EGFR: variants seen among roughly 807,000 people sequenced by gnomAD.
EGFR encodes avian erythroblastic leukemia viral (v-erb-b) oncogene homolog.
Under a neutral mutation model 143.0 loss-of-function variants are expected in EGFR, and 58 were observed. The ratio of observed to expected loss-of-function variants is 0.41; its 90% CI spans 0.33 to 0.50. The LOEUF is 0.50. Among genes scored for constraint, EGFR ranks in the 20% least tolerant of loss-of-function variants. The pLI, the probability that EGFR is intolerant of heterozygous loss-of-function variation, is 0.39. For missense variants in EGFR, 1,307 were observed against 1,579.0 expected (o/e 0.83, Z 2.92); for synonymous variants, 613 against 594.4 (o/e 1.03, Z -0.45).
At chr7:55,080,536 T>TG (rs1219153260) in intron 1 of EGFR, among the ~76,000 whole-genome samples, 1 of 152,096 alleles carries the variant, frequency 6.6e-6, no homozygotes, top group Admixed American at 6.5e-5. Context: ...TACCAGGGGC[T>TG]GGGAAGGTGT....
rs2128932517 is a variant in EGFR, at chr7:55,151,319, C to T, written c.585C>T (p.Pro195=). The change falls in exon 5 of 28, where the codon CCC becomes CCT. Residue 195 remains proline (P), a synonymous_variant. Coordinates refer to ENST00000275493, the MANE Select transcript of EGFR (RefSeq NM_005228.5). ...GCCAAAAGTGTGATCCAAGCTGTCCCAATGGGAGCTGCTGGGGTGCAGGAG... is the reference window on the plus strand; with the variant it reads ...GCCAAAAGTGTGATCCAAGCTGTCCTAATGGGAGCTGCTGGGGTGCAGGAG... ...GSCQKCDPSC[P]NGSCWGAGEE... 6.2e-7 allele frequency: 1 copy of T among 1,614,204 alleles called. No homozygotes were observed. Among genetic ancestry groups the T allele is most frequent in the Non-Finnish European group, 8.5e-7 (1 of 1,180,038 alleles).
intron 21 of EGFR, among the ~76,000 whole-genome samples, chr7:55,192,409 C>A (rs1399282999): frequency 1.3e-5 from 2 of 152,180 alleles, no homozygotes; most frequent in African/African-American, 2.4e-5. Context: ...ACAGCCAGGC[C>A]CCTCTGAGGT....
At chr7:55,133,988 G>A (rs949000305) in intron 1 of EGFR, among the ~76,000 whole-genome samples, 1 of 152,222 alleles carries the variant, frequency 6.6e-6, no homozygotes, top group South Asian at 2.1e-4. Context: ...ATGCTGGCCC[G>A]AGAGGAGGCG....
intron 4 of EGFR, among the ~76,000 whole-genome samples, chr7:55,149,488 C>A (rs975719812): frequency 1.3e-5 from 2 of 152,120 alleles, no homozygotes; most frequent in Non-Finnish European, 2.9e-5. Context: ...CCTTCCTTTG[C>A]AAAGTATTTG....
chr7:55,151,746 C>A lies in EGFR; in HGVS notation c.628+384C>A, dbSNP rs1343558512. 2.6e-5 allele frequency among the ~76,000 whole-genome samples: 4 copies of A among 152,204 alleles called. No homozygotes were observed. In the East Asian group the frequency reaches 5.8e-4, roughly 22 times the overall value. On this transcript the variant is annotated intron_variant, in intron 5 of 27. Coordinates refer to ENST00000275493, the MANE Select transcript of EGFR (RefSeq NM_005228.5). Reference sequence around the variant, plus strand: ...AAAATTAGCCGGGCGTGGTGGCGGGCGCCTGTAGTCCCAGCTACTCGGGAG... The same window carrying A: ...AAAATTAGCCGGGCGTGGTGGCGGGAGCCTGTAGTCCCAGCTACTCGGGAG...
intron 1 of EGFR, among the ~76,000 whole-genome samples, chr7:55,066,356 A>C (rs956956513): frequency 6.6e-6 from 1 of 152,228 alleles, no homozygotes; most frequent in African/African-American, 2.4e-5. Context: ...TTTTTTAAAT[A>C]CAAAGAAATA....
intron 1 of EGFR, among the ~76,000 whole-genome samples, chr7:55,093,072 A>C (rs1400748705): frequency 6.6e-6 from 1 of 152,266 alleles, no homozygotes; most frequent in African/African-American, 2.4e-5. Flanking sequence ...TAATCAAAAG[A>C]ATCCAGAATG....
At chr7:55,094,199 T>G (rs1791301027) in intron 1 of EGFR, among the ~76,000 whole-genome samples, 1 of 152,220 alleles carries the variant, frequency 6.6e-6, no homozygotes, top group African/African-American at 2.4e-5. Flanking sequence ...GAGTTTCCAC[T>G]GACTGATGAG....
intron 1 of EGFR, among the ~76,000 whole-genome samples, chr7:55,061,060 T>C (rs1789138075): frequency 1.3e-5 from 2 of 152,226 alleles, no homozygotes. Context: ...ACACAGCCCA[T>C]GCGCCTGCTC....
chr7:55,063,163 A>G (rs1789289781), intron 1 of EGFR, among the ~76,000 whole-genome samples: 1 of 152,182 alleles, frequency 6.6e-6, no homozygotes, highest in African/African-American at 2.4e-5. Context: ...TTCAGAAAAT[A>G]AGAGAAATGA....
At chr7:55,179,092 C>T (rs117223577) in intron 19 of EGFR, among the ~76,000 whole-genome samples, 24 of 152,332 alleles carry the variant, frequency 1.6e-4, no homozygotes, top group Non-Finnish European at 2.6e-4. Context: ...CCGGGTGATC[C>T]GACACTGCAG....
intron 1 of EGFR, among the ~76,000 whole-genome samples, chr7:55,137,386 T>A (rs1159798550): frequency 6.6e-6 from 1 of 152,226 alleles, no homozygotes; most frequent in Non-Finnish European, 1.5e-5. Flanking sequence ...GAGAAACTTG[T>A]TCTAATACTG....
Position 55,019,127 on chromosome 7 carries a change from G to C in EGFR, c.-151G>C, listed in dbSNP as rs2128852952. On this transcript the variant is annotated 5_prime_UTR_variant, in exon 1 of 28. Transcript: ENST00000275493. Reference sequence around the variant, plus strand: ...CCGGAGTCCCGAGCTAGCCCCGGCGGCCGCCGCCGCCCAGACCGGACGACA... The same window carrying C: ...CCGGAGTCCCGAGCTAGCCCCGGCGCCCGCCGCCGCCCAGACCGGACGACA... 2.2e-6 allele frequency: 1 copy of C among 454,424 alleles called. No individual in the cohort carries two copies. The highest frequency in any genetic ancestry group is 3.5e-6 in the Non-Finnish European group (1 of 285,868). 28.1% of individuals were successfully genotyped at this position (454,424 alleles called of 1,614,324 possible).
At chr7:55,186,760 A>C (rs906262596) in intron 20 of EGFR, among the ~76,000 whole-genome samples, 2 of 152,194 alleles carry the variant, frequency 1.3e-5, no homozygotes, top group Non-Finnish European at 2.9e-5. Flanking sequence ...AAGTAAGACA[A>C]AATTTCTTAT....
intron 1 of EGFR, among the ~76,000 whole-genome samples, chr7:55,093,865 A>G (rs1791281556): frequency 6.6e-6 from 1 of 152,166 alleles, no homozygotes. Context: ...ACAGGTGCTT[A>G]GCCAGCTGGT....
intron 1 of EGFR, among the ~76,000 whole-genome samples, chr7:55,141,334 G>A (rs1012074977): frequency 6.6e-6 from 1 of 152,074 alleles, no homozygotes; most frequent in Non-Finnish European, 1.5e-5. Flanking sequence ...CCTCTCCTTT[G>A]CTTTTAAAAA....
intron 1 of EGFR, among the ~76,000 whole-genome samples, chr7:55,082,286 T>G (rs1428587143): frequency 1.3e-5 from 2 of 152,190 alleles, no homozygotes; most frequent in South Asian, 2.1e-4. Flanking sequence ...ACCTCCTACT[T>G]GTAAAGGATG....
chr7:55,191,218 T>C (rs977914124), intron 20 of EGFR, among the ~76,000 whole-genome samples: 2 of 151,864 alleles, frequency 1.3e-5, no homozygotes, highest in African/African-American at 4.8e-5. Context: ...AATAAACCAG[T>C]GAAAAGTAAA....
chr7:55,179,657 T>C (rs1320195439), intron 19 of EGFR: 1 of 152,250 alleles, frequency 6.6e-6, no homozygotes, highest in African/African-American at 2.4e-5. Context: ...AGCATATTTG[T>C]ATTTTAGTAA....
Sources: gnomAD v4.1 joint callset for allele counts (sites outside exome capture counted in the v4.1 genomes callset) on GRCh38, gnomAD v4.1.1 for gene constraint, MANE v1.5 for transcripts, NCBI Gene and HGNC (gene_info 2026-07-23, HGNC 2026-07-21) for gene names.